Variants in SLC20A1 observed in about 807,000 individuals in gnomAD.
SLC20A1 encodes the protein solute carrier family 20 member 1.
A neutral mutation model predicts 62.7 loss-of-function variants in SLC20A1; 28 were observed. That is an observed-to-expected ratio of 0.45 (90% confidence interval 0.33 to 0.61). The LOEUF is 0.61. Among genes scored for constraint, SLC20A1 ranks in the 20% least tolerant of loss-of-function variants. The probability of loss-of-function intolerance (pLI) is 0.02; values close to 1 mark genes in which losing one functional copy is unlikely to be tolerated. For synonymous variants in SLC20A1, 305 were observed against 302.9 expected (o/e 1.01, Z -0.07); for missense variants, 673 against 838.6 (o/e 0.80, Z 2.44).
rs1420007143 is a variant in SLC20A1 at position 112,663,267 on chromosome 2, C to A, written c.*242C>A. The A allele has an allele frequency of 5.4e-6, 3 of 560,386 alleles. No homozygotes were observed. The highest frequency in any genetic ancestry group is 1.0e-5 in the Non-Finnish European group (3 of 290,730). 34.7% of individuals were successfully genotyped at this position (560,386 alleles called of 1,614,324 possible). On this transcript the variant is annotated 3_prime_UTR_variant, in exon 11 of 11. Coordinates refer to ENST00000272542, the MANE Select transcript of SLC20A1 (RefSeq NM_005415.5). ...TGCTGAGGTCCCCTTTCCTTCTGGG[C>A]TGTGAATTCCTGTACATATTTCTCT... is the stretch of plus-strand genomic sequence containing the variant.
intron 5 of SLC20A1, among the ~76,000 whole-genome samples, chr2:112,655,703 G>A (rs768132765): frequency 1.1e-4 from 16 of 152,044 alleles, no homozygotes; most frequent in East Asian, 1.9e-4. Context: ...ACTTCTTTTC[G>A]TTTGTTTTTG....
At chr2:112,657,687 G>A (rs1686629782) in intron 6 of SLC20A1, among the ~76,000 whole-genome samples, 1 of 152,216 alleles carries the variant, frequency 6.6e-6, no homozygotes, top group Admixed American at 6.5e-5. Context: ...ATTCAGACAA[G>A]CAAAGCTAAG....
At chr2:112,657,332 T>G in intron 6 of SLC20A1, 91 bp downstream of exon 6, 1 of 1,323,132 alleles carries the variant, frequency 7.6e-7, no homozygotes, top group East Asian at 2.4e-5. Context: ...TAGAAGAGAT[T>G]GGCAAAATAA....
Position 112,658,943 on chromosome 2 carries a change from T to C in SLC20A1, c.897T>C (p.Ser299=). ...VGDIENKHPV[S]EVGPATVPLQ... ...ATATTGAAAACAAGCATCCTGTTTC[T>C]GAGGTAGGGCCTGCCACTGTGCCCC... The change falls in exon 7 of 11, where the codon TCT becomes TCC. Residue 299 remains serine (S), a synonymous_variant. Coordinates refer to ENST00000272542, the MANE Select transcript of SLC20A1 (RefSeq NM_005415.5). 6.2e-7 allele frequency: 1 copy of C among 1,614,196 alleles called. No individual in the cohort carries two copies. Among genetic ancestry groups the C allele is most frequent in the Non-Finnish European group, 8.5e-7 (1 of 1,180,034 alleles).
intron 5 of SLC20A1, among the ~76,000 whole-genome samples, chr2:112,656,017 C>G (rs959809983): frequency 6.6e-6 from 1 of 151,140 alleles, no homozygotes; most frequent in African/African-American, 2.4e-5. Flanking sequence ...TTACTTCTGT[C>G]TTTAGTACAG....
chr2:112,654,850 C>G (rs922304036), intron 5 of SLC20A1, among the ~76,000 whole-genome samples: 1 of 140,188 alleles, frequency 7.1e-6, no homozygotes, highest in Non-Finnish European at 1.5e-5. Flanking sequence ...GAGCCAAGAT[C>G]GTGCCACTGT....
At chr2:112,647,561 A>G (rs1686317824) in intron 3 of SLC20A1, 92 bp from the exon 4 acceptor site, 3 of 1,578,116 alleles carry the variant, frequency 1.9e-6, no homozygotes, top group Admixed American at 1.7e-5. Flanking sequence ...CGAGGGACAG[A>G]CCCAAGAATT....
chr2:112,662,827 T>G, intron 10 of SLC20A1, 37 bp from the exon 11 acceptor site: 1 of 1,607,344 alleles, frequency 6.2e-7, no homozygotes, highest in South Asian at 1.1e-5. Flanking sequence ...CCACTGGCAC[T>G]TCAATAACCT....
chr2:112,659,237 A>T lies in SLC20A1; in HGVS notation c.1082A>T (p.Gln361Leu), dbSNP rs1558694904. Residue 361 changes from glutamine (Q) to leucine (L), a missense_variant, in exon 8 of 11, where the codon CAG becomes CTG. Transcript: ENST00000272542. Reference sequence around the variant, plus strand: ...CAGTTGCCTAATGGGAACCTTGTCCAGTTCAGTCAAGCCGTCAGCAACCAA... The same window carrying T: ...CAGTTGCCTAATGGGAACCTTGTCCTGTTCAGTCAAGCCGTCAGCAACCAA... ...AVQLPNGNLVQFSQAVSNQIN... is the reference protein window; with the variant it reads ...AVQLPNGNLVLFSQAVSNQIN... 1 of 1,614,150 alleles carries T rather than the reference A, an allele frequency of 6.2e-7. No homozygotes were observed. Among genetic ancestry groups the T allele is most frequent in the Non-Finnish European group, 8.5e-7 (1 of 1,180,012 alleles).
At position 112,659,008 on chromosome 2, in the gene SLC20A1, T is replaced by C. The variant is rs752271980; in HGVS notation, c.962T>C (p.Leu321Pro). 1.2e-6 allele frequency: 2 copies of C among 1,614,152 alleles called. No homozygotes were observed. The highest frequency in any genetic ancestry group is 8.5e-7 in the Non-Finnish European group (1 of 1,180,024). The change falls in exon 7 of 11, where the codon CTT (leucine) becomes CCT (proline). Residue 321 changes from leucine (L) to proline (P), a missense_variant. Transcript: ENST00000272542. ...GAGGAGAGAACAGTCTCATTCAAAC[T>C]TGGAGATTTGGAGGAAGCTCCAGAG... ...VVEERTVSFKLGDLEEAPERE... is the reference protein window; with the variant it reads ...VVEERTVSFKPGDLEEAPERE...
chr2:112,655,956 C>T (rs1243787786), intron 5 of SLC20A1, among the ~76,000 whole-genome samples: 1 of 152,144 alleles, frequency 6.6e-6, no homozygotes, highest in Non-Finnish European at 1.5e-5. Context: ...CTGTCTCAGC[C>T]TCCCAAAGTG....
chr2:112,653,961 T>C (rs945143960), intron 5 of SLC20A1, among the ~76,000 whole-genome samples: 1 of 151,998 alleles, frequency 6.6e-6, no homozygotes, highest in Non-Finnish European at 1.5e-5. Flanking sequence ...CCCGGCTGAT[T>C]TTGTATTTTT....
Position 112,659,575 on chromosome 2 carries a change from C to G in SLC20A1, c.1420C>G (p.Leu474Val). 1 of 1,614,208 alleles carries G rather than the reference C, an allele frequency of 6.2e-7. No individual in the cohort carries two copies. Among genetic ancestry groups the G allele is most frequent in the South Asian group, 1.1e-5 (1 of 91,086 alleles). The stretch of plus-strand genomic sequence containing the variant: ...CAGTTACTGCAATGCTGTGTCTGAC[C>G]TTCACTCAGCATCTGAGATAGACAT... ...YTSYCNAVSD[L>V]HSASEIDMSV... Residue 474 changes from leucine to valine, a missense_variant, in exon 8 of 11, where the codon CTT (leucine) becomes GTT (valine). Transcript: ENST00000272542.
chr2:112,650,866 C>T (rs750070283), intron 4 of SLC20A1, among the ~76,000 whole-genome samples: 3 of 151,982 alleles, frequency 2.0e-5, no homozygotes, highest in African/African-American at 7.3e-5. Context: ...CAAGCCATCC[C>T]CTGCCTCATC....
chr2:112,656,922 G>A, intron 5 of SLC20A1, 200 bp from the exon 6 acceptor site: 2 of 632,188 alleles, frequency 3.2e-6, no homozygotes, highest in African/African-American at 1.8e-5. Context: ...GGCTGGTGTG[G>A]GTTTTCAGAT....
At chr2:112,661,014 A>C in intron 9 of SLC20A1, 128 bp from the exon 10 acceptor site, 1 of 630,672 alleles carries the variant, frequency 1.6e-6, no homozygotes, top group East Asian at 2.6e-5. Context: ...GGTTATAGCA[A>C]ATAAAGATGT....
At chr2:112,650,060 G>T (rs1377942798) in intron 4 of SLC20A1, among the ~76,000 whole-genome samples, 2 of 151,694 alleles carry the variant, frequency 1.3e-5, no homozygotes, top group Non-Finnish European at 1.5e-5. Context: ...ATAAACTATT[G>T]GTATAGTAGT....
chr2:112,658,560 T>C, intron 6 of SLC20A1: 1 of 377,950 alleles, frequency 2.6e-6, no homozygotes, highest in South Asian at 4.4e-5. Context: ...AAAACAACAA[T>C]GTGCTACAGA....
At position 112,659,922 on chromosome 2, in the gene SLC20A1, C is replaced by T. The variant is rs56945767; in HGVS notation, c.1607+160C>T. On this transcript the variant is annotated intron_variant, in intron 8 of 10. Coordinates refer to ENST00000272542, the MANE Select transcript of SLC20A1 (RefSeq NM_005415.5). ...CAGTTATTGACATAATAAGACAGTA[C>T]AGTTTTATTCTTCAGAGGAATTACA... is the stretch of plus-strand genomic sequence containing the variant. 6.3e-3 allele frequency among the ~76,000 whole-genome samples: 953 copies of T among 152,230 alleles called. 16 individuals are homozygous for T. The highest frequency in any genetic ancestry group is 0.022 in the African/African-American group (903 of 41,518).
Sources: gnomAD v4.1 joint callset for allele counts (sites outside exome capture counted in the v4.1 genomes callset) on GRCh38, gnomAD v4.1.1 for gene constraint, MANE v1.5 for transcripts, NCBI Gene and HGNC (gene_info 2026-07-23, HGNC 2026-07-21) for gene names.